INPP4B: variants seen among roughly 807,000 people sequenced by gnomAD.
INPP4B encodes inositol polyphosphate 4-phosphatase type II.
INPP4B carries 55 observed loss-of-function variants against 122.5 expected under a neutral mutation model. The observed-to-expected ratio is 0.45, with a 90% CI of 0.36 to 0.56. INPP4B has a LOEUF of 0.56. Ranked by LOEUF, INPP4B falls within the 20% of genes least tolerant of loss-of-function variation. INPP4B has a pLI of 0.00. For missense variants in INPP4B, 1,000 were observed against 1,097.7 expected, an observed-to-expected ratio of 0.91 and a Z score of 1.26; for synonymous variants, 403 against 388.7, an observed-to-expected ratio of 1.04 and a Z score of -0.43.
At chr4:142,128,054 T>TA (rs745337815) in intron 18 of INPP4B, among the ~76,000 whole-genome samples, 315 of 151,926 alleles carry the variant, frequency 2.1e-3, no homozygotes, top group Admixed American at 3.8e-3. Context: ...TGGGGAAAAT[T>TA]AAAAAAAACC....
chr4:142,321,678 A>G (rs1433994978), intron 7 of INPP4B, among the ~76,000 whole-genome samples: 1 of 152,030 alleles, frequency 6.6e-6, no homozygotes, highest in Non-Finnish European at 1.5e-5. Flanking sequence ...CCATTTGTTG[A>G]ATAGAGTGTC....
intron 7 of INPP4B, among the ~76,000 whole-genome samples, chr4:142,333,082 A>G (rs1369113584): frequency 6.6e-6 from 1 of 151,992 alleles, no homozygotes; most frequent in Non-Finnish European, 1.5e-5. Context: ...AAATATATAA[A>G]ACAGAGACAG....
intron 5 of INPP4B, among the ~76,000 whole-genome samples, chr4:142,406,855 T>C (rs776150003): frequency 1.1e-4 from 16 of 152,208 alleles, no homozygotes; most frequent in Non-Finnish European, 1.9e-4. Flanking sequence ...GAACTAGAAC[T>C]AGAGGCTTGG....
chr4:142,357,219 C>A (rs1783905537), intron 7 of INPP4B, among the ~76,000 whole-genome samples: 1 of 151,970 alleles, frequency 6.6e-6, no homozygotes, highest in Non-Finnish European at 1.5e-5. Context: ...TGATTTGTAG[C>A]CAAGTCAGAC....
At chr4:142,128,634 T>C (rs1019042968) in intron 18 of INPP4B, among the ~76,000 whole-genome samples, 4 of 152,160 alleles carry the variant, frequency 2.6e-5, no homozygotes, top group African/African-American at 7.2e-5. Flanking sequence ...ATAAAATGCA[T>C]GTGGCTTAGC....
At chr4:142,394,306 C>G (rs528954918) in intron 7 of INPP4B, among the ~76,000 whole-genome samples, 13 of 152,058 alleles carry the variant, frequency 8.5e-5, no homozygotes, top group Non-Finnish European at 1.6e-4. Context: ...TCACCACGCC[C>G]GGCTGATTTT....
chr4:142,795,943 G>A (rs957177601), intron 1 of INPP4B, among the ~76,000 whole-genome samples: 6 of 151,624 alleles, frequency 4.0e-5, no homozygotes, highest in East Asian at 1.9e-4. Flanking sequence ...ATATTTTCTC[G>A]CCTAATTTAA....
rs552019386 is a variant in INPP4B, at chr4:142,667,426, C to G, written c.-191+58413G>C. Among the ~76,000 whole-genome samples the G allele has an allele frequency of 5.9e-5, 9 of 152,242 alleles. No homozygotes were observed. The South Asian group carries it at 1.9e-3, about 32-fold the overall frequency. On this transcript the variant is annotated intron_variant, in intron 2 of 25. Transcript: ENST00000262992. ...CTACCAACTCAATAACTGTAATGCACTGTATTGGCCTGTATCAATATGGCT... is the reference window on the plus strand; with the variant it reads ...CTACCAACTCAATAACTGTAATGCAGTGTATTGGCCTGTATCAATATGGCT...
At chr4:142,554,313 T>A (rs1435370409) in intron 2 of INPP4B, among the ~76,000 whole-genome samples, 1 of 142,074 alleles carries the variant, frequency 7.0e-6, no homozygotes, top group Non-Finnish European at 1.5e-5. Flanking sequence ...CACCTTTCCA[T>A]CTCCTCCACC....
At chr4:142,479,970 G>A (rs547097161) in intron 2 of INPP4B, among the ~76,000 whole-genome samples, 6 of 152,210 alleles carry the variant, frequency 3.9e-5, no homozygotes, top group Middle Eastern at 3.4e-3. Flanking sequence ...AGTTAAGAAA[G>A]AATATTTCCT....
chr4:142,741,829 A>C (rs1166002143), intron 1 of INPP4B, among the ~76,000 whole-genome samples: 1 of 151,898 alleles, frequency 6.6e-6, no homozygotes, highest in African/African-American at 2.4e-5. Context: ...AGAAGAGAGA[A>C]TGGAGAGACC....
chr4:142,760,298 T>C (rs1360303765), intron 1 of INPP4B, among the ~76,000 whole-genome samples: 2 of 152,176 alleles, frequency 1.3e-5, no homozygotes, highest in African/African-American at 4.8e-5. Flanking sequence ...TTCTCTGCCA[T>C]GTCACACATG....
intron 2 of INPP4B, among the ~76,000 whole-genome samples, chr4:142,545,565 C>T (rs1829449860): frequency 6.6e-6 from 1 of 151,856 alleles, no homozygotes; most frequent in Non-Finnish European, 1.5e-5. Flanking sequence ...GTTCTTATGC[C>T]AACAATTACT....
At chr4:142,028,945 G>A (rs756261881) in intron 25 of INPP4B, 31 bp from the exon 26 acceptor site, 11 of 1,597,886 alleles carry the variant, frequency 6.9e-6, no homozygotes, top group Non-Finnish European at 9.4e-6. Context: ...ACAACTTCAT[G>A]AAACACAGAA....
intron 2 of INPP4B, among the ~76,000 whole-genome samples, chr4:142,561,916 G>C (rs1459033708): frequency 6.6e-6 from 1 of 151,950 alleles, no homozygotes; most frequent in Non-Finnish European, 1.5e-5. Context: ...TTTTTGCAAA[G>C]AGTTTCTATG....
At chr4:142,387,296 G>A (rs938310975) in intron 7 of INPP4B, among the ~76,000 whole-genome samples, 2 of 151,984 alleles carry the variant, frequency 1.3e-5, no homozygotes, top group African/African-American at 2.4e-5. Flanking sequence ...GTCATCAAGG[G>A]AACCTGAGAA....
intron 12 of INPP4B, among the ~76,000 whole-genome samples, chr4:142,230,644 A>T (rs1330875763): frequency 3.2e-3 from 5 of 1,572 alleles, no homozygotes; most frequent in Admixed American, 0.014. Flanking sequence ...ACTCCACCTC[A>T]AAAAAAAAAA....
At position 142,713,613 on chromosome 4, in the gene INPP4B, A is replaced by G. The variant is rs554301408; in HGVS notation, c.-191+12226T>C. Among the ~76,000 whole-genome samples the G allele has an allele frequency of 1.2e-4, 18 of 152,320 alleles. No homozygotes were observed. In the East Asian group the frequency reaches 3.3e-3, roughly 28 times the overall value. On this transcript the variant is annotated intron_variant, in intron 2 of 25. Transcript: ENST00000262992. ...CAGCGGCACTATTACATTTTCTTGA[A>G]CTAATAATCTCCCATTTGATGCCTT...
In INPP4B at chr4:142,246,559, T is replaced by C. The variant is rs1728959602; in HGVS notation, c.689-8548A>G. On this transcript the variant is annotated intron_variant, in intron 11 of 25. Coordinates refer to ENST00000262992, the MANE Select transcript of INPP4B (RefSeq NM_001101669.3). ...AGGTATTTTATTCTCTTTGTAGCAA[T>C]TGTGAATAGGAGTTCACTCAAGATT... Among the ~76,000 whole-genome samples the C allele has an allele frequency of 2.0e-5, 3 of 152,200 alleles. No individual in the cohort carries two copies. The South Asian group carries it at 6.2e-4, about 31-fold the overall frequency.
Sources: gnomAD v4.1 joint callset for allele counts (sites outside exome capture counted in the v4.1 genomes callset) on GRCh38, gnomAD v4.1.1 for gene constraint, MANE v1.5 for transcripts, NCBI Gene and HGNC (gene_info 2026-07-23, HGNC 2026-07-21) for gene names.